ATG7: variants seen among roughly 807,000 people sequenced by gnomAD.
ATG7 encodes autophagy related 7, also known as ubiquitin-like modifier-activating enzyme ATG7.
In ATG7, 70 loss-of-function variants were observed where a neutral mutation model predicts 82.4. The ratio of observed to expected loss-of-function variants is 0.85; its 90% CI spans 0.70 to 1.04. The LOEUF (loss-of-function observed/expected upper bound fraction) is 1.04, where lower values mean the gene tolerates loss of function less well. Among genes scored for constraint, ATG7 ranks in the 50% least tolerant of loss-of-function variants. The pLI, the probability that ATG7 is intolerant of heterozygous loss-of-function variation, is 0.00. For missense variants in ATG7, 792 were observed against 864.3 expected, an observed-to-expected ratio of 0.92 and a Z score of 1.05; for synonymous variants, 287 against 313.0, an observed-to-expected ratio of 0.92 and a Z score of 0.88.
At chr3:11,274,235 T>C (rs1941199340) in intron 1 of ATG7, among the ~76,000 whole-genome samples, 1 of 152,204 alleles carries the variant, frequency 6.6e-6, no homozygotes, top group African/African-American at 2.4e-5. Context: ...TTCAGCTGTG[T>C]GTCTGGCACT....
intron 19 of ATG7, among the ~76,000 whole-genome samples, chr3:11,383,424 T>C (rs1027278858): frequency 2.0e-5 from 3 of 152,198 alleles, no homozygotes; most frequent in African/African-American, 4.8e-5. Context: ...TCAGGAGTTA[T>C]ATAATATATT....
In ATG7 at chr3:11,557,164, G is replaced by GCAGCTGTGACCTCCA. The variant is rs2072511248; in HGVS notation, c.*2330_*2344dup. 6.5e-6 allele frequency: 1 copy of GCAGCTGTGACCTCCA among 152,710 alleles called. No individual in the cohort carries two copies. Among genetic ancestry groups the GCAGCTGTGACCTCCA allele is most frequent in the Non-Finnish European group, 1.5e-5 (1 of 68,054 alleles). 9.5% of individuals were successfully genotyped at this position (152,710 alleles called of 1,614,324 possible). A position where few individuals can be genotyped will look rare whatever the true frequency, so the allele number is the denominator to read the frequency against. Reference sequence around the variant, plus strand: ...AGAAACGCTCATTGACCAAAAAGGAGCAGCTGTGACCTCCACAGCTGTGTC... The same window carrying GCAGCTGTGACCTCCA: ...AGAAACGCTCATTGACCAAAAAGGAGCAGCTGTGACCTCCACAGCTGTGACCTCCACAGCTGTGTC... On this transcript the variant is annotated 3_prime_UTR_variant, in exon 21 of 21. Transcript: ENST00000693202.
intron 19 of ATG7, among the ~76,000 whole-genome samples, chr3:11,386,493 A>G (rs2078324335): frequency 1.3e-5 from 2 of 152,118 alleles, no homozygotes. Flanking sequence ...CTCAGATTTG[A>G]TAGGGTTTTA....
intron 19 of ATG7, among the ~76,000 whole-genome samples, chr3:11,413,620 G>A (rs974572861): frequency 1.3e-5 from 2 of 152,212 alleles, no homozygotes; most frequent in African/African-American, 4.8e-5. Flanking sequence ...GTAGCAGAAT[G>A]CAAAGTCAAC....
chr3:11,437,302 C>G lies in ATG7; in HGVS notation c.2079+10376C>G, dbSNP rs571624890. ...TTTTCAAAGCCTTAGTCTCTGTGCA[C>G]CTCCTTTAGCCTTTTCTTATGCTAT... On this transcript the variant is annotated intron_variant, in intron 20 of 20. Transcript: ENST00000693202. Among the ~76,000 whole-genome samples, 5 of 152,292 alleles carry G rather than the reference C, an allele frequency of 3.3e-5. No individual in the cohort carries two copies. The East Asian group carries it at 9.6e-4, about 29-fold the overall frequency.
In ATG7 at chr3:11,306,923, C is replaced by G. The variant is rs201563825; in HGVS notation, c.216-20C>G. 2.5e-6 allele frequency: 4 copies of G among 1,600,520 alleles called. No individual in the cohort carries two copies. The Admixed American group carries it at 6.7e-5, about 27-fold the overall frequency. Reference sequence around the variant, plus strand: ...TGAGTCCCAGCTGTGCCTGACTAACCGTGTTTCTCTTGTATCTAGGAGTGC... The same window carrying G: ...TGAGTCCCAGCTGTGCCTGACTAACGGTGTTTCTCTTGTATCTAGGAGTGC... On this transcript the variant is annotated intron_variant, in intron 5 of 20. Coordinates refer to ENST00000693202, the MANE Select transcript of ATG7 (RefSeq NM_001349232.2).
intron 20 of ATG7, among the ~76,000 whole-genome samples, chr3:11,453,868 G>T (rs1032794856): frequency 1.3e-5 from 2 of 152,166 alleles, no homozygotes; most frequent in African/African-American, 4.8e-5. Context: ...CACCAACAGT[G>T]TGCCCTGGTC....
intron 2 of ATG7, 94 bp from the exon 3 acceptor site, chr3:11,282,099 G>A (rs1943170114): frequency 1.3e-5 from 2 of 152,130 alleles, no homozygotes; most frequent in Non-Finnish European, 2.9e-5. Context: ...AAAGGACTCA[G>A]AAGGAGGCAC....
intron 3 of ATG7, among the ~76,000 whole-genome samples, chr3:11,294,113 C>T (rs944830096): frequency 3.3e-5 from 5 of 151,402 alleles, no homozygotes; most frequent in Non-Finnish European, 7.4e-5. Context: ...TAGAAGAAAA[C>T]GCTAGCTGCA....
At chr3:11,384,393 A>G (rs1459461541) in intron 19 of ATG7, among the ~76,000 whole-genome samples, 2 of 152,152 alleles carry the variant, frequency 1.3e-5, no homozygotes, top group African/African-American at 4.8e-5. Flanking sequence ...GTGATTAGCA[A>G]CCTTAATAAT....
At chr3:11,534,789 C>A (rs1163521595) in intron 20 of ATG7, among the ~76,000 whole-genome samples, 1 of 152,218 alleles carries the variant, frequency 6.6e-6, no homozygotes, top group Non-Finnish European at 1.5e-5. Context: ...CCTCGAGGCA[C>A]CTGGCCACTT....
chr3:11,465,120 C>T (rs1394498819), intron 20 of ATG7, among the ~76,000 whole-genome samples: 1 of 148,260 alleles, frequency 6.7e-6, no homozygotes, highest in Non-Finnish European at 1.5e-5. Context: ...TGTGTAAGGA[C>T]ACCTCCAGAG....
At chr3:11,533,750 AT>A (rs969194279) in intron 20 of ATG7, among the ~76,000 whole-genome samples, 3 of 152,302 alleles carry the variant, frequency 2.0e-5, no homozygotes, top group Non-Finnish European at 4.4e-5. Flanking sequence ...GTAGCCTTAC[AT>A]TTTGAACTTA....
At chr3:11,561,022 C>T (rs559936575), downstream of ATG7, among the ~76,000 whole-genome samples, 4 of 152,104 alleles carry the variant, frequency 2.6e-5, no homozygotes, top group South Asian at 2.1e-4. Flanking sequence ...GACCTGGACA[C>T]GCACAGAGCC....
chr3:11,361,975 T>A (rs560115864), intron 16 of ATG7, among the ~76,000 whole-genome samples: 10 of 152,360 alleles, frequency 6.6e-5, no homozygotes, highest in African/African-American at 2.4e-4. Context: ...TTTGGATGAC[T>A]GGCTTTTATG....
At chr3:11,472,240 C>G (rs1248350924) in intron 20 of ATG7, among the ~76,000 whole-genome samples, 1 of 152,180 alleles carries the variant, frequency 6.6e-6, no homozygotes, top group Admixed American at 6.5e-5. Flanking sequence ...CCATCTCCCC[C>G]TCTTGCCTGG....
intron 6 of ATG7, among the ~76,000 whole-genome samples, chr3:11,307,362 G>C (rs1430582345): frequency 6.6e-6 from 1 of 152,248 alleles, no homozygotes; most frequent in African/African-American, 2.4e-5. Context: ...GAAGCAGCCA[G>C]ACCTCTGAGA....
At chr3:11,447,072 T>A (rs1033728077) in intron 20 of ATG7, 1 of 152,282 alleles carries the variant, frequency 6.6e-6, no homozygotes, top group Admixed American at 6.5e-5. Flanking sequence ...ACTCACTTGA[T>A]CATCATAGCA....
intron 20 of ATG7, among the ~76,000 whole-genome samples, chr3:11,469,461 A>G (rs1576635690): frequency 1.3e-5 from 2 of 151,972 alleles, no homozygotes; most frequent in Middle Eastern, 3.4e-3. Context: ...AAAAAAAAAA[A>G]GTAAAATAAA....
Sources: gnomAD v4.1 joint callset for allele counts (sites outside exome capture counted in the v4.1 genomes callset) on GRCh38, gnomAD v4.1.1 for gene constraint, MANE v1.5 for transcripts, NCBI Gene and HGNC (gene_info 2026-07-23, HGNC 2026-07-21) for gene names.